KCNS3: variants seen among roughly 807,000 people sequenced by gnomAD.
KCNS3 encodes the protein delayed-rectifier potassium channel regulatory subunit KCNS3.
Under a neutral mutation model 31.0 loss-of-function variants are expected in KCNS3, and 13 were observed. That is an observed-to-expected ratio of 0.42 (90% CI 0.27 to 0.67). The LOEUF (loss-of-function observed/expected upper bound fraction) is 0.67, where lower values mean the gene tolerates loss of function less well. KCNS3 is among the 30% of genes least tolerant of loss of function. The pLI, the probability that KCNS3 is intolerant of heterozygous loss-of-function variation, is 0.25. For missense variants in KCNS3, 545 were observed against 622.4 expected (o/e 0.88, Z 1.32); for synonymous variants, 238 against 241.5 (o/e 0.99, Z 0.13).
intron 1 of KCNS3, among the ~76,000 whole-genome samples, chr2:17,906,772 A>G (rs1662328476): frequency 6.6e-6 from 1 of 152,124 alleles, no homozygotes; most frequent in Non-Finnish European, 1.5e-5. Context: ...AGTGGTTTTG[A>G]GTGAGTTTCT....
chr2:17,910,949 C>T (rs531416341), intron 1 of KCNS3, among the ~76,000 whole-genome samples: 1 of 152,316 alleles, frequency 6.6e-6, no homozygotes, highest in African/African-American at 2.4e-5. Context: ...TGCTCTCTGT[C>T]CATACCACGA....
chr2:17,928,061 A>G (rs1443028000), intron 2 of KCNS3, among the ~76,000 whole-genome samples: 2 of 152,208 alleles, frequency 1.3e-5, no homozygotes, highest in Non-Finnish European at 2.9e-5. Flanking sequence ...TTGGCTCAAA[A>G]TAAATCTCTT....
At chr2:17,905,300 A>C (rs1477553651) in intron 1 of KCNS3, among the ~76,000 whole-genome samples, 9 of 152,194 alleles carry the variant, frequency 5.9e-5, no homozygotes, top group Admixed American at 2.0e-4. Context: ...CGATTTTTGC[A>C]CATTGATTTT....
At position 17,924,184 on chromosome 2, in the gene KCNS3, GT is replaced by G. The variant is rs531506510; in HGVS notation, c.-60+6320del. On this transcript the variant is annotated intron_variant, in intron 2 of 2. Coordinates refer to ENST00000304101, the MANE Select transcript of KCNS3 (RefSeq NM_002252.5). ...ATTATTGCTAGTATATAGAGATACAGTTTTTTTGTATATCAATCTAGTATCC... is the reference window on the plus strand; with the variant it reads ...ATTATTGCTAGTATATAGAGATACAGTTTTTTGTATATCAATCTAGTATCC... Among the ~76,000 whole-genome samples the G allele has an allele frequency of 1.4e-3, 215 of 151,412 alleles. 1 individual carries two copies. The highest frequency in any genetic ancestry group is 4.9e-3 in the African/African-American group (201 of 41,274).
At chr2:17,904,182 T>C (rs1050675731) in intron 1 of KCNS3, among the ~76,000 whole-genome samples, 2 of 152,218 alleles carry the variant, frequency 1.3e-5, no homozygotes, top group Non-Finnish European at 2.9e-5. Context: ...CTCATTGTGG[T>C]TTTGATTTGT....
chr2:17,900,022 T>C (rs898001915), intron 1 of KCNS3, among the ~76,000 whole-genome samples: 1 of 152,178 alleles, frequency 6.6e-6, no homozygotes, highest in Non-Finnish European at 1.5e-5. Context: ...ATGGGGCTCA[T>C]TGGAGAGCGG....
Position 17,931,722 on chromosome 2 carries a change from C to T in KCNS3, c.714C>T (p.Ala238=), listed in dbSNP as rs114910715. 179 of 1,613,980 alleles carry T rather than the reference C, an allele frequency of 1.1e-4. No individual in the cohort carries two copies. The highest frequency in any genetic ancestry group is 3.1e-4 in the African/African-American group (23 of 75,028). ...ACIAWFTGEL[A]VRLAAAPCQK... The stretch of plus-strand genomic sequence containing the variant: ...TTGCCTGGTTCACCGGGGAGCTTGC[C>T]GTCCGGCTGGCTGCCGCTCCTTGTC... Residue 238 remains alanine, a synonymous_variant, in exon 3 of 3, where the codon GCC becomes GCT. Coordinates refer to ENST00000304101, the MANE Select transcript of KCNS3 (RefSeq NM_002252.5). The surrounding 1 kb of genome is among the most constrained non-coding windows in gnomAD (Gnocchi z 5.4).
Position 17,930,974 on chromosome 2 carries a change from C to G in KCNS3, c.-35C>G. On this transcript the variant is annotated 5_prime_UTR_variant, in exon 3 of 3. Coordinates refer to ENST00000304101, the MANE Select transcript of KCNS3 (RefSeq NM_002252.5). ...GGTGCAGCCTGATCTTCCTCTTCTCCCTTGCCAGCCAGCACTCTGCCTTCT... is the reference window on the plus strand; with the variant it reads ...GGTGCAGCCTGATCTTCCTCTTCTCGCTTGCCAGCCAGCACTCTGCCTTCT... The G allele has an allele frequency of 6.3e-7, 1 of 1,591,440 alleles. No individual in the cohort carries two copies. Among genetic ancestry groups the G allele is most frequent in the Non-Finnish European group, 8.6e-7 (1 of 1,168,284 alleles).
intron 1 of KCNS3, 57 bp downstream of exon 1, chr2:17,878,863 C>G (rs1236101117): frequency 6.5e-6 from 1 of 152,794 alleles, no homozygotes; most frequent in Non-Finnish European, 1.5e-5. Context: ...CCGGGCGACC[C>G]TGCAACTTTA....
Position 17,931,529 on chromosome 2 carries a change from G to A in KCNS3, c.521G>A (p.Arg174Lys). The change falls in exon 3 of 3, where the codon AGA (arginine) becomes AAA (lysine). Residue 174 changes from arginine (R) to lysine (K), a missense_variant. Coordinates refer to ENST00000304101, the MANE Select transcript of KCNS3 (RefSeq NM_002252.5). This position sits in a 1 kb window ranked among gnomAD's most constrained non-coding sequence, Gnocchi z 5.4. ...FGQLRKKIWI[R>K]MENPAYCLSA... is the part of the protein sequence containing the mutation. ...CAGCTCCGGAAGAAAATCTGGATTA[G>A]AATGGAGAATCCAGCGTACTGCCTG... 3 of 1,614,178 alleles carry A rather than the reference G, an allele frequency of 1.9e-6. No individual in the cohort carries two copies. The highest frequency in any genetic ancestry group is 2.5e-6 in the Non-Finnish European group (3 of 1,180,024).
intron 1 of KCNS3, among the ~76,000 whole-genome samples, chr2:17,883,585 A>G (rs1291095814): frequency 6.6e-6 from 1 of 152,196 alleles, no homozygotes; most frequent in Non-Finnish European, 1.5e-5. Context: ...TTTGAGTGAT[A>G]AAAGGAGTCC....
chr2:17,887,871 C>A (rs1316059965), intron 1 of KCNS3, among the ~76,000 whole-genome samples: 1 of 152,118 alleles, frequency 6.6e-6, no homozygotes, highest in Non-Finnish European at 1.5e-5. Flanking sequence ...GCCATTCTTG[C>A]AGGAGTAAAG....
chr2:17,929,094 T>G (rs910319308), intron 2 of KCNS3, among the ~76,000 whole-genome samples: 1 of 152,194 alleles, frequency 6.6e-6, no homozygotes, highest in Non-Finnish European at 1.5e-5. Context: ...ATTAAGACCC[T>G]TTAGTGGTCT....
intron 2 of KCNS3, among the ~76,000 whole-genome samples, chr2:17,926,003 T>C (rs1035106051): frequency 1.3e-5 from 2 of 152,090 alleles, no homozygotes; most frequent in African/African-American, 2.4e-5. Flanking sequence ...ACAATGGGGG[T>C]ACAGGCATTG....
intron 2 of KCNS3, among the ~76,000 whole-genome samples, chr2:17,930,291 A>C (rs1662927551): frequency 1.3e-5 from 2 of 152,220 alleles, no homozygotes; most frequent in African/African-American, 4.8e-5. Context: ...ACACCATCCC[A>C]TGAAGTGTAA....
chr2:17,885,928 A>G (rs183456995), intron 1 of KCNS3, among the ~76,000 whole-genome samples: 231 of 152,340 alleles, frequency 1.5e-3, no homozygotes, highest in African/African-American at 5.3e-3. Flanking sequence ...ATGGGGCATT[A>G]AAGAAGGATA....
chr2:17,886,600 TCTC>T (rs1240965238), intron 1 of KCNS3, among the ~76,000 whole-genome samples: 2 of 152,114 alleles, frequency 1.3e-5, no homozygotes, highest in African/African-American at 4.8e-5. Flanking sequence ...ACAGAGCTTG[TCTC>T]CTCTGGGATG....
Position 17,888,626 on chromosome 2 carries a change from A to AAGTATATCTAT in KCNS3, c.-252+9821_-252+9822insGTATATCTATA, listed in dbSNP as rs1553341384. On this transcript the variant is annotated intron_variant, in intron 1 of 2. Transcript: ENST00000304101. ...CTAGAACTTAAAGTATAATAAAAAA[A>AAGTATATCTAT]ATGTATATATATATATATATATATA... Among the ~76,000 whole-genome samples the AAGTATATCTAT allele has an allele frequency of 1.5e-4, 7 of 47,588 alleles. No individual in the cohort carries two copies. The South Asian group carries it at 6.5e-3, about 44-fold the overall frequency. 31.2% of individuals were successfully genotyped at this position (47,588 alleles called of 152,430 possible).
intron 1 of KCNS3, among the ~76,000 whole-genome samples, chr2:17,912,436 G>C (rs1005611403): frequency 6.6e-5 from 10 of 152,254 alleles, no homozygotes; most frequent in African/African-American, 2.4e-4. Context: ...GATGGAGCCA[G>C]TGCAGTTCCT....
Sources: allele counts gnomAD v4.1 joint callset (sites outside exome capture counted in the v4.1 genomes callset), GRCh38; gene constraint gnomAD v4.1.1; non-coding constraint Gnocchi (gnomAD v3.1); transcripts MANE v1.5; gene names NCBI Gene and HGNC (gene_info 2026-07-23, HGNC 2026-07-21).